The following GMDS variants were observed in gnomAD, a reference collection of about 807,000 sequenced individuals.
GMDS encodes GDP-mannose 4,6 dehydratase.
A neutral mutation model predicts 49.9 loss-of-function variants in GMDS; 20 were observed. The observed-to-expected ratio is 0.40, with a 90% CI of 0.28 to 0.58. The LOEUF (loss-of-function observed/expected upper bound fraction) is 0.58, where lower values mean the gene tolerates loss of function less well. GMDS is among the 20% of genes least tolerant of loss of function. The probability of loss-of-function intolerance (pLI) is 0.42; values close to 1 mark genes in which losing one functional copy is unlikely to be tolerated. For synonymous variants in GMDS, 177 were observed against 178.6 expected (o/e 0.99, Z 0.07); for missense variants, 362 against 481.4 (o/e 0.75, Z 2.32).
chr6:1,944,167 C>T (rs990122150), intron 6 of GMDS, among the ~76,000 whole-genome samples: 1 of 152,156 alleles, frequency 6.6e-6, no homozygotes, highest in Admixed American at 6.5e-5. Context: ...CATCTCGACT[C>T]GGAAGTGTAG....
At chr6:2,242,964 C>T (rs1781685304) in intron 1 of GMDS, among the ~76,000 whole-genome samples, 2 of 152,142 alleles carry the variant, frequency 1.3e-5, no homozygotes, top group Non-Finnish European at 2.9e-5. Context: ...AGTCACTGTC[C>T]TGGAATACAA....
Position 1,766,103 on chromosome 6 carries a change from TG to T in GMDS, c.772-23518del, listed in dbSNP as rs761120122. On this transcript the variant is annotated intron_variant, in intron 7 of 10. Transcript: ENST00000380815. The surrounding 1 kb of genome is among the most constrained non-coding windows in gnomAD (Gnocchi z 4.5). ...AAAACGACACATGTGAAATGGAGGG[TG>T]GGTATGTGAAGCTCAGGATGATTCA... Among the ~76,000 whole-genome samples, 4 of 151,722 alleles carry T rather than the reference TG, an allele frequency of 2.6e-5. No homozygotes were observed. The East Asian group carries it at 5.8e-4, about 22-fold the overall frequency.
chr6:2,103,908 G>GCA lies in GMDS; in HGVS notation c.345+11861_345+11862dup, dbSNP rs1774068894. The stretch of plus-strand genomic sequence containing the variant: ...TCTTAAGCAATATATTTGTGCTTGT[G>GCA]CACTTAACAGCAAACCCAGTATGGG... On this transcript the variant is annotated intron_variant, in intron 4 of 10. Transcript: ENST00000380815. Among the ~76,000 whole-genome samples the GCA allele has an allele frequency of 2.0e-5, 3 of 152,216 alleles. No individual in the cohort carries two copies. The South Asian group carries it at 6.2e-4, about 32-fold the overall frequency.
At chr6:2,218,421 A>T (rs1780434625) in intron 1 of GMDS, among the ~76,000 whole-genome samples, 1 of 152,202 alleles carries the variant, frequency 6.6e-6, no homozygotes, top group Non-Finnish European at 1.5e-5. Flanking sequence ...TGACCACCGG[A>T]AGTGAAAAAT....
chr6:1,794,164 C>T (rs1359425008), intron 7 of GMDS, among the ~76,000 whole-genome samples: 1 of 152,142 alleles, frequency 6.6e-6, no homozygotes, highest in African/African-American at 2.4e-5. Flanking sequence ...TTTCCAATGC[C>T]CTATCAACAC....
chr6:2,161,631 G>A (rs1477243785), intron 1 of GMDS, among the ~76,000 whole-genome samples: 1 of 152,220 alleles, frequency 6.6e-6, no homozygotes, highest in Non-Finnish European at 1.5e-5. Context: ...TGACCCAGAG[G>A]TGGTGGGGGA....
intron 4 of GMDS, among the ~76,000 whole-genome samples, chr6:2,058,883 G>A (rs895090601): frequency 2.6e-5 from 4 of 152,072 alleles, no homozygotes; most frequent in African/African-American, 9.7e-5. Flanking sequence ...TGGTAGTGAC[G>A]TCCATTAAAC....
In GMDS at chr6:1,905,879, GACAA is replaced by G. The variant is rs1179486212; in HGVS notation, c.771+24220_771+24223del. ...CACATAGCTGTGGGTGCTGGCATGT[GACAA>G]TAACCCCATAGGCCATCTGGGAACA... is the stretch of plus-strand genomic sequence containing the variant. On this transcript the variant is annotated intron_variant, in intron 7 of 10. Transcript: ENST00000380815. Among the ~76,000 whole-genome samples, 71 of 73,982 alleles carry G rather than the reference GACAA, an allele frequency of 9.6e-4. 5 individuals are homozygous for G. The highest frequency in any genetic ancestry group is 2.1e-3 in the South Asian group (5 of 2,346). 48.5% of individuals were successfully genotyped at this position (73,982 alleles called of 152,430 possible).
chr6:2,083,117 T>C (rs1332194939), intron 4 of GMDS, among the ~76,000 whole-genome samples: 1 of 152,234 alleles, frequency 6.6e-6, no homozygotes, highest in Non-Finnish European at 1.5e-5. Context: ...ACTTGGCAAA[T>C]GTAGGTTCTC....
chr6:2,062,912 T>G (rs189138651), intron 4 of GMDS, among the ~76,000 whole-genome samples: 1 of 152,374 alleles, frequency 6.6e-6, no homozygotes, highest in African/African-American at 2.4e-5. Context: ...CAGCTCTTTC[T>G]CACTTGTAAG....
chr6:2,183,397 G>A (rs1778642696), intron 1 of GMDS, among the ~76,000 whole-genome samples: 1 of 152,212 alleles, frequency 6.6e-6, no homozygotes, highest in Admixed American at 6.5e-5. Flanking sequence ...CTGCCATGGA[G>A]GAAGAACCAC....
intron 4 of GMDS, among the ~76,000 whole-genome samples, chr6:1,974,483 T>G (rs1355802862): frequency 6.6e-6 from 1 of 151,606 alleles, no homozygotes; most frequent in Non-Finnish European, 1.5e-5. Flanking sequence ...GATGCAGAGG[T>G]CCGGGAAAGG....
intron 7 of GMDS, among the ~76,000 whole-genome samples, chr6:1,903,695 C>A (rs1730648739): frequency 6.6e-6 from 1 of 152,146 alleles, no homozygotes; most frequent in Non-Finnish European, 1.5e-5. Flanking sequence ...CACAGTCTGA[C>A]ATAGATTTTT....
At chr6:1,694,965 A>G (rs964765663) in intron 9 of GMDS, among the ~76,000 whole-genome samples, 1 of 152,190 alleles carries the variant, frequency 6.6e-6, no homozygotes, top group African/African-American at 2.4e-5. Context: ...ACAATACCAC[A>G]GAGGAGGGTG....
intron 7 of GMDS, among the ~76,000 whole-genome samples, chr6:1,812,709 T>C (rs944255649): frequency 2.6e-5 from 4 of 152,144 alleles, no homozygotes; most frequent in African/African-American, 9.7e-5. Flanking sequence ...GCTGCAGTTA[T>C]TATGCAACCA....
intron 8 of GMDS, among the ~76,000 whole-genome samples, chr6:1,741,069 T>C (rs1442555475): frequency 1.3e-5 from 2 of 152,224 alleles, no homozygotes; most frequent in African/African-American, 4.8e-5. Context: ...CACATTATAA[T>C]TGTACACATT....
intron 7 of GMDS, among the ~76,000 whole-genome samples, chr6:1,809,733 A>G (rs549080261): frequency 7.5e-4 from 114 of 152,302 alleles, no homozygotes; most frequent in African/African-American, 2.6e-3. Flanking sequence ...CTAAGAACAG[A>G]TCAGGATTAA....
chr6:2,242,390 C>T (rs963680862), intron 1 of GMDS, among the ~76,000 whole-genome samples: 4 of 152,158 alleles, frequency 2.6e-5, no homozygotes, highest in Non-Finnish European at 4.4e-5. Context: ...TAATAAGGTT[C>T]CCACTTTGGA....
At chr6:1,694,845 G>C (rs1765285098) in intron 9 of GMDS, among the ~76,000 whole-genome samples, 2 of 152,156 alleles carry the variant, frequency 1.3e-5, no homozygotes, top group Non-Finnish European at 2.9e-5. Flanking sequence ...CAAATGAAAA[G>C]TACCTATTAC....
Sources: allele counts gnomAD v4.1 joint callset (sites outside exome capture counted in the v4.1 genomes callset), GRCh38; gene constraint gnomAD v4.1.1; non-coding constraint Gnocchi (gnomAD v3.1); transcripts MANE v1.5; gene names NCBI Gene and HGNC (gene_info 2026-07-23, HGNC 2026-07-21).